The following WWOX variants were observed in gnomAD, a reference collection of about 807,000 sequenced individuals.
The protein encoded by WWOX is WW domain-containing oxidoreductase.
WWOX carries 69 observed loss-of-function variants against 46.2 expected under a neutral mutation model. The ratio of observed to expected loss-of-function variants is 1.49; its 90% CI spans 1.23 to 1.82. The LOEUF is 1.82. Among genes scored for constraint, WWOX ranks in the 40% most tolerant of loss-of-function variants. The pLI is 0.00. For missense variants in WWOX, 919 were observed against 542.6 expected, an observed-to-expected ratio of 1.69 and a Z score of -6.89; for synonymous variants, 359 against 202.6, an observed-to-expected ratio of 1.77 and a Z score of -6.56.
chr16:78,941,676 C>A (rs1038604103), intron 8 of WWOX, among the ~76,000 whole-genome samples: 5 of 152,044 alleles, frequency 3.3e-5, no homozygotes, highest in Non-Finnish European at 7.4e-5. Flanking sequence ...GTATTTGCAT[C>A]CCCCCTACTC....
At chr16:78,623,419 C>G (rs1213716443) in intron 8 of WWOX, among the ~76,000 whole-genome samples, 2 of 152,092 alleles carry the variant, frequency 1.3e-5, no homozygotes, top group Non-Finnish European at 2.9e-5. Flanking sequence ...GTGGCTCATG[C>G]CTGTCATTCC....
At chr16:79,146,389 C>T (rs1369101270) in intron 8 of WWOX, among the ~76,000 whole-genome samples, 1 of 152,126 alleles carries the variant, frequency 6.6e-6, no homozygotes, top group African/African-American at 2.4e-5. Flanking sequence ...GAGACTTTTC[C>T]TCCAGAACTG....
intron 8 of WWOX, among the ~76,000 whole-genome samples, chr16:78,649,061 C>T (rs1317422772): frequency 2.0e-5 from 3 of 152,120 alleles, no homozygotes; most frequent in East Asian, 1.9e-4. Flanking sequence ...GCAAACTCCA[C>T]CTCCCAGGTT....
At position 78,865,632 on chromosome 16, in the gene WWOX, C is replaced by T. The variant is rs182989254; in HGVS notation, c.1057-345976C>T. ...GTGTGGCTCAAGCCTGTAATCCCAG[C>T]ACTTTGGGAGGCTGAGGTGGGTGGA... On this transcript the variant is annotated intron_variant, in intron 8 of 8. Transcript: ENST00000566780. Among the ~76,000 whole-genome samples the T allele has an allele frequency of 1.1e-3, 173 of 152,286 alleles. 1 individual carries two copies. Among genetic ancestry groups the T allele is most frequent in the African/African-American group, 4.1e-3 (170 of 41,572 alleles).
intron 8 of WWOX, among the ~76,000 whole-genome samples, chr16:78,522,483 C>T (rs1263863326): frequency 2.6e-5 from 4 of 152,150 alleles, no homozygotes; most frequent in African/African-American, 7.2e-5. Flanking sequence ...CCTCTGTCTC[C>T]GATGTCACTC....
At chr16:78,565,144 T>C (rs2044534411) in intron 8 of WWOX, among the ~76,000 whole-genome samples, 3 of 152,250 alleles carry the variant, frequency 2.0e-5, no homozygotes, top group African/African-American at 7.2e-5. Flanking sequence ...GAACTCTGAC[T>C]TTGGCATTGG....
chr16:78,163,953 A>G (rs1263124821), intron 4 of WWOX, among the ~76,000 whole-genome samples: 9 of 152,050 alleles, frequency 5.9e-5, no homozygotes, highest in Non-Finnish European at 1.3e-4. Flanking sequence ...TGTTCATGGT[A>G]AGATGTTTTG....
chr16:78,187,741 C>T (rs536982181), intron 5 of WWOX, among the ~76,000 whole-genome samples: 5 of 152,276 alleles, frequency 3.3e-5, no homozygotes, highest in African/African-American at 4.8e-5. Context: ...GAAAATAGTG[C>T]GGAATCTTTT....
chr16:78,733,914 C>A (rs180952169), intron 8 of WWOX, among the ~76,000 whole-genome samples: 60 of 151,852 alleles, frequency 4.0e-4, no homozygotes, highest in African/African-American at 1.4e-3. Context: ...AAAAATAAAA[C>A]AGCTAGGCAT....
chr16:79,036,819 C>T (rs753856973), intron 8 of WWOX, among the ~76,000 whole-genome samples: 3 of 152,136 alleles, frequency 2.0e-5, no homozygotes, highest in Non-Finnish European at 4.4e-5. Flanking sequence ...ATGAACTGTG[C>T]TGTAGAGATG....
At chr16:78,633,221 C>T (rs1286314093) in intron 8 of WWOX, among the ~76,000 whole-genome samples, 2 of 152,180 alleles carry the variant, frequency 1.3e-5, no homozygotes, top group Admixed American at 6.5e-5. Flanking sequence ...GAGATCGTGC[C>T]ACTGCGCTCC....
chr16:79,026,894 G>T (rs1158979197), intron 8 of WWOX, among the ~76,000 whole-genome samples: 1 of 150,636 alleles, frequency 6.6e-6, no homozygotes, highest in African/African-American at 2.5e-5. Context: ...CTCCCAAAGT[G>T]CTGGGATTAC....
chr16:78,933,759 C>G lies in WWOX; in HGVS notation c.1057-277849C>G, dbSNP rs140937973. ...ATCTCGTGAGACTTATTCACTATCA[C>G]GAGAACAGCATGGGAAAATCCTGCA... On this transcript the variant is annotated intron_variant, in intron 8 of 8. Transcript: ENST00000566780. 3.2e-3 allele frequency among the ~76,000 whole-genome samples: 490 copies of G among 151,942 alleles called. 5 individuals are homozygous for G. Among genetic ancestry groups the G allele is most frequent in the African/African-American group, 0.011 (464 of 41,442 alleles).
chr16:78,533,182 AG>A (rs1018152974), intron 8 of WWOX, among the ~76,000 whole-genome samples: 1 of 152,158 alleles, frequency 6.6e-6, no homozygotes, highest in Admixed American at 6.5e-5. Context: ...CTATCTTTAC[AG>A]GTCAGCCAGT....
intron 8 of WWOX, among the ~76,000 whole-genome samples, chr16:79,157,085 A>G (rs1305613979): frequency 3.3e-5 from 5 of 152,216 alleles, no homozygotes; most frequent in Admixed American, 6.5e-5. Flanking sequence ...AACTTGAGAG[A>G]AAGTATTAGG....
At chr16:79,180,967 T>G (rs1011699194) in intron 8 of WWOX, among the ~76,000 whole-genome samples, 1 of 152,204 alleles carries the variant, frequency 6.6e-6, no homozygotes. Context: ...TTAATACAGT[T>G]GAGATCATAT....
At chr16:78,678,241 T>C (rs546421185) in intron 8 of WWOX, among the ~76,000 whole-genome samples, 1 of 152,084 alleles carries the variant, frequency 6.6e-6, no homozygotes, top group Non-Finnish European at 1.5e-5. Context: ...CTGGGTGTGG[T>C]GGGTCACACC....
chr16:78,949,201 G>C (rs2046008619), intron 8 of WWOX, among the ~76,000 whole-genome samples: 2 of 152,168 alleles, frequency 1.3e-5, no homozygotes, highest in South Asian at 4.1e-4. Flanking sequence ...GCCCAGGCTG[G>C]CTGACACCTT....
chr16:79,157,586 A>G (rs933441540), intron 8 of WWOX, among the ~76,000 whole-genome samples: 2 of 152,168 alleles, frequency 1.3e-5, no homozygotes, highest in Non-Finnish European at 2.9e-5. Flanking sequence ...GCACGATGAA[A>G]CTGGCTATCT....
Sources: allele counts gnomAD v4.1 joint callset (sites outside exome capture counted in the v4.1 genomes callset), GRCh38; gene constraint gnomAD v4.1.1; transcripts MANE v1.5; gene names NCBI Gene and HGNC (gene_info 2026-07-23, HGNC 2026-07-21).